NLRP14: variants seen among roughly 807,000 people sequenced by gnomAD.
NLRP14 encodes NACHT, LRR and PYD domains-containing protein 14.
In NLRP14, 105 loss-of-function variants were observed where a neutral mutation model predicts 94.7. That is an observed-to-expected ratio of 1.11 (90% CI 0.95 to 1.30). The LOEUF is 1.30. Ranked by LOEUF, NLRP14 falls within the 50% of genes most tolerant of loss-of-function variation. The probability of loss-of-function intolerance (pLI) is 0.00; values close to 1 mark genes in which losing one functional copy is unlikely to be tolerated. For synonymous variants in NLRP14, 508 were observed against 459.9 expected (o/e 1.10, Z -1.34); for missense variants, 1,362 against 1,254.1 (o/e 1.09, Z -1.30).
intron 3 of NLRP14, among the ~76,000 whole-genome samples, chr11:7,041,781 C>G (rs1852255109): frequency 6.6e-6 from 1 of 152,116 alleles, no homozygotes; most frequent in African/African-American, 2.4e-5. Context: ...GAGAGGTCTT[C>G]CCTGAGATCC....
At chr11:7,029,462 T>C (rs985968213) in intron 1 of NLRP14, among the ~76,000 whole-genome samples, 1 of 152,228 alleles carries the variant, frequency 6.6e-6, no homozygotes, top group South Asian at 2.1e-4. Context: ...TAAGTTTATA[T>C]ATAAACGCCT....
chr11:7,060,662 T>C (rs1458154056), intron 9 of NLRP14, among the ~76,000 whole-genome samples: 1 of 152,010 alleles, frequency 6.6e-6, no homozygotes, highest in Non-Finnish European at 1.5e-5. Context: ...GGAAAGGGGA[T>C]TTTTAACAAT....
intron 5 of NLRP14, 93 bp from the exon 6 acceptor site, chr11:7,049,578 G>A: frequency 3.4e-6 from 3 of 891,350 alleles, no homozygotes; most frequent in South Asian, 1.4e-5. Context: ...GAATATTCAT[G>A]TAATATCCAA....
the NLRP14 span, among the ~76,000 whole-genome samples, chr11:7,077,149 C>T: frequency 9.8e-5 from 15 of 152,298 alleles, no homozygotes; most frequent in South Asian, 2.5e-3. Context: ...TTGGGTGTGA[C>T]GAATCAGCTC....
At position 7,043,223 on chromosome 11, in the gene NLRP14, G is replaced by A. The variant is rs1852292768; in HGVS notation, c.1197G>A (p.Leu399=). Residue 399 remains leucine, a synonymous_variant, in exon 4 of 12, where the codon CTG becomes CTA. Transcript: ENST00000299481. ...VTLTCQTTTA[L]FTCYISSLFT... The stretch of plus-strand genomic sequence containing the variant: ...TGACCTGCCAAACAACCACAGCTCT[G>A]TTTACCTGCTATATTTCTAGCTTGT... 2 of 1,614,038 alleles carry A rather than the reference G, an allele frequency of 1.2e-6. No individual in the cohort carries two copies. Among genetic ancestry groups the A allele is most frequent in the South Asian group, 1.1e-5 (1 of 91,086 alleles).
In NLRP14 at chr11:7,062,374, T is replaced by C. The variant is rs567671365; in HGVS notation, c.2846T>C (p.Leu949Pro). The C allele has an allele frequency of 1.9e-6, 3 of 1,613,182 alleles. No individual in the cohort carries two copies. In the South Asian group the frequency reaches 3.3e-5, roughly 18 times the overall value. The stretch of plus-strand genomic sequence containing the variant: ...CTCACTAATGCATGTTGTCTGGATC[T>C]GGCTTCTGTTATTTTGAATAACCCA... ...CVLTNACCLD[L>P]ASVILNNPNL... Residue 949 changes from leucine to proline, a missense_variant, in exon 10 of 12, where the codon CTG becomes CCG. Physicochemically the swap from Leu to Pro is moderately conservative, Grantham distance 98. Coordinates refer to ENST00000299481, the MANE Select transcript of NLRP14 (RefSeq NM_176822.4).
chr11:7,067,605 G>C (rs1177563440), intron 10 of NLRP14, among the ~76,000 whole-genome samples: 2 of 152,124 alleles, frequency 1.3e-5, no homozygotes, highest in African/African-American at 4.8e-5. Flanking sequence ...CAAATGTGAT[G>C]AATCACATCG....
intron 9 of NLRP14, among the ~76,000 whole-genome samples, chr11:7,061,611 G>A (rs1295423239): frequency 6.6e-6 from 1 of 151,996 alleles, no homozygotes; most frequent in African/African-American, 2.4e-5. Flanking sequence ...TAAATATAAA[G>A]CAAATTACAA....
At chr11:7,058,498 AAT>A (rs751419399) in intron 8 of NLRP14, 48 bp downstream of exon 8, 3 of 1,377,466 alleles carry the variant, frequency 2.2e-6, no homozygotes, top group Admixed American at 1.7e-5. Context: ...TACATTTTGA[AAT>A]ATGTTTAAAA....
intron 1 of NLRP14, among the ~76,000 whole-genome samples, chr11:7,037,746 T>C (rs1852180634): frequency 6.6e-6 from 1 of 152,196 alleles, no homozygotes; most frequent in South Asian, 2.1e-4. Flanking sequence ...CTGGAAGATA[T>C]TAGTAAAAAA....
At chr11:7,075,456 G>A (rs923144844), downstream of NLRP14, among the ~76,000 whole-genome samples, 8 of 152,248 alleles carry the variant, frequency 5.3e-5, no homozygotes, top group South Asian at 2.1e-4. Context: ...TTGAAAAGGC[G>A]TTTAATAAAA....
the NLRP14 span, among the ~76,000 whole-genome samples, chr11:7,077,665 G>A: frequency 2.6e-5 from 4 of 152,354 alleles, no homozygotes; most frequent in East Asian, 7.7e-4. Flanking sequence ...ATGGCAGAAG[G>A]TGAAAGGCAC....
intron 1 of NLRP14, among the ~76,000 whole-genome samples, chr11:7,023,466 A>G (rs925237954): frequency 4.8e-5 from 7 of 146,062 alleles, no homozygotes; most frequent in African/African-American, 1.7e-4. Flanking sequence ...GTATAAATCT[A>G]TTTTTACACA....
downstream of NLRP14, among the ~76,000 whole-genome samples, chr11:7,074,185 A>T (rs1374165540): frequency 6.6e-6 from 1 of 152,210 alleles, no homozygotes; most frequent in Non-Finnish European, 1.5e-5. Context: ...AATGTGGAGG[A>T]CTGGAGAATA....
At chr11:7,053,939 C>G (rs1454968700) in intron 6 of NLRP14, among the ~76,000 whole-genome samples, 1 of 152,090 alleles carries the variant, frequency 6.6e-6, no homozygotes, top group African/African-American at 2.4e-5. Flanking sequence ...TTCCCCTCTT[C>G]CCCTCATTCC....
rs199475885 is a variant in NLRP14 at position 7,049,950 on chromosome 11, T to A, written c.2291+112T>A. ...ATTCATAGGACCGGCTTAAATCTAC[T>A]TTCATGATATGGGGTAGCAAGCATC... On this transcript the variant is annotated intron_variant, in intron 6 of 11. Transcript: ENST00000299481. 1.4e-5 allele frequency: 12 copies of A among 883,928 alleles called. No individual in the cohort carries two copies. In the East Asian group the frequency reaches 2.9e-4, roughly 21 times the overall value. 54.8% of individuals were successfully genotyped at this position (883,928 alleles called of 1,614,324 possible). A position where few individuals can be genotyped will look rare whatever the true frequency, so the allele number is the denominator to read the frequency against.
the NLRP14 span, among the ~76,000 whole-genome samples, chr11:7,087,711 T>C: frequency 6.6e-6 from 1 of 151,966 alleles, no homozygotes; most frequent in Non-Finnish European, 1.5e-5. Context: ...ACTTCTTCCA[T>C]AGTGGAGGAA....
chr11:7,075,534 G>A (rs1435387045), downstream of NLRP14, among the ~76,000 whole-genome samples: 4 of 152,152 alleles, frequency 2.6e-5, no homozygotes, highest in African/African-American at 4.8e-5. Context: ...ATAGCAATAC[G>A]CTTAGAAGCA....
the NLRP14 span, among the ~76,000 whole-genome samples, chr11:7,088,706 T>C: frequency 6.6e-6 from 1 of 152,212 alleles, no homozygotes; most frequent in Non-Finnish European, 1.5e-5. Flanking sequence ...AAAAAATTCA[T>C]ACTATTTTTT....
Sources: allele counts gnomAD v4.1 joint callset (sites outside exome capture counted in the v4.1 genomes callset), GRCh38; gene constraint gnomAD v4.1.1; transcripts MANE v1.5; gene names NCBI Gene and HGNC (gene_info 2026-07-23, HGNC 2026-07-21).